Variants in TRIM14 observed in about 807,000 individuals in gnomAD.
The protein encoded by TRIM14 is tripartite motif-containing protein 14.
In TRIM14, 28 loss-of-function variants were observed where a neutral mutation model predicts 44.5. The ratio of observed to expected loss-of-function variants is 0.63; its 90% CI spans 0.47 to 0.86. TRIM14 has a LOEUF of 0.86. TRIM14 is among the 40% of genes least tolerant of loss of function. TRIM14 has a pLI of 0.00. For missense variants in TRIM14, 607 were observed against 611.1 expected, an observed-to-expected ratio of 0.99 and a Z score of 0.07; for synonymous variants, 299 against 269.2, an observed-to-expected ratio of 1.11 and a Z score of -1.08.
At chr9:98,072,448 GT>G (rs1299200450) in intron 6 of TRIM14, among the ~76,000 whole-genome samples, 3 of 150,038 alleles carry the variant, frequency 2.0e-5, no homozygotes, top group African/African-American at 7.4e-5. Context: ...GTCTCGCTGT[GT>G]CGCCCAAGCT....
intron 1 of TRIM14, among the ~76,000 whole-genome samples, chr9:98,112,546 A>T (rs562536341): frequency 1.3e-5 from 2 of 152,166 alleles, no homozygotes; most frequent in Non-Finnish European, 2.9e-5. Flanking sequence ...CCTGCCTGTA[A>T]TCCCAGAACT....
intron 1 of TRIM14, among the ~76,000 whole-genome samples, chr9:98,114,293 A>G (rs975017523): frequency 6.6e-6 from 1 of 152,190 alleles, no homozygotes; most frequent in East Asian, 1.9e-4. Context: ...AGTCAATTTC[A>G]TCTTTGACCG....
chr9:98,115,002 A>G (rs1428818058), intron 1 of TRIM14, among the ~76,000 whole-genome samples: 1 of 152,214 alleles, frequency 6.6e-6, no homozygotes, highest in Non-Finnish European at 1.5e-5. Context: ...TACTTTTGTG[A>G]GCAAAATTGA....
intron 6 of TRIM14, chr9:98,076,889 A>G: frequency 6.4e-7 from 1 of 1,567,890 alleles, no homozygotes; most frequent in Non-Finnish European, 8.7e-7. Context: ...GACAATGGTG[A>G]AAAGGAGCTC....
chr9:98,105,328 G>A (rs1016367299), intron 2 of TRIM14, among the ~76,000 whole-genome samples: 2 of 152,232 alleles, frequency 1.3e-5, no homozygotes, highest in African/African-American at 2.4e-5. Context: ...GGACAGAGGG[G>A]CTGAGCCCCG....
Position 98,087,380 on chromosome 9 carries a change from A to C in TRIM14, c.*90T>G. The C allele has an allele frequency of 6.3e-7, 1 of 1,583,382 alleles. No homozygotes were observed. Among genetic ancestry groups the C allele is most frequent in the Non-Finnish European group, 8.7e-7 (1 of 1,152,626 alleles). ...AGGGAGAGGGCCCTAAGAAGCAGGC[A>C]GTAAGGGGACCAGCCACGCTGATCT... On this transcript the variant is annotated 3_prime_UTR_variant, in exon 6 of 6. Transcript: ENST00000341469.
chr9:98,056,287 C>T, the TRIM14 span, among the ~76,000 whole-genome samples: 2 of 152,262 alleles, frequency 1.3e-5, no homozygotes, highest in East Asian at 3.9e-4. Flanking sequence ...AATAACGCTC[C>T]GGAAGACTGA....
chr9:98,108,817 G>A (rs928502150), intron 2 of TRIM14, among the ~76,000 whole-genome samples: 1 of 151,654 alleles, frequency 6.6e-6, no homozygotes, highest in Non-Finnish European at 1.5e-5. Flanking sequence ...AGGAGAAACT[G>A]GGTGCCAGCT....
chr9:98,101,690 G>GA (rs200373197), intron 2 of TRIM14, among the ~76,000 whole-genome samples: 2,426 of 152,198 alleles, frequency 0.016, 56 homozygotes, highest in African/African-American at 0.053. Context: ...CAAAGTGCTG[G>GA]ATTACAGGCA....
chr9:98,041,495 C>CT, the TRIM14 span, among the ~76,000 whole-genome samples: 37,877 of 145,194 alleles, frequency 0.26, 5,070 homozygotes, highest in Admixed American at 0.31. Flanking sequence ...ATAAGGACAT[C>CT]TTTTTTTTTT....
intron 4 of TRIM14, among the ~76,000 whole-genome samples, 179 bp from the exon 5 acceptor site, chr9:98,092,180 G>A (rs1040070201): frequency 6.6e-5 from 10 of 152,214 alleles, no homozygotes; most frequent in Admixed American, 1.3e-4. Context: ...GCTGGTGTGG[G>A]AGAGTCCTAA....
the TRIM14 span, among the ~76,000 whole-genome samples, chr9:98,050,543 C>T: frequency 2.6e-5 from 4 of 152,266 alleles, no homozygotes; most frequent in South Asian, 2.1e-4. Flanking sequence ...ACATTTAGCA[C>T]GAGTGACTCC....
intron 6 of TRIM14, among the ~76,000 whole-genome samples, chr9:98,073,558 C>T (rs1353179971): frequency 6.6e-6 from 1 of 150,892 alleles, no homozygotes; most frequent in Non-Finnish European, 1.5e-5. Context: ...GCTGGGATTA[C>T]AGGCGTGAGC....
At chr9:98,072,284 G>A (rs564072625) in intron 6 of TRIM14, among the ~76,000 whole-genome samples, 6 of 152,310 alleles carry the variant, frequency 3.9e-5, no homozygotes, top group African/African-American at 1.4e-4. Flanking sequence ...GCTGTTCTGT[G>A]ACTCAGAACC....
In TRIM14 at chr9:98,087,556, G is replaced by C; in HGVS notation, c.1243C>G (p.His415Asp). Residue 415 changes from histidine to aspartate, a missense_variant, in exon 6 of 6, where the codon CAT becomes GAT. Coordinates refer to ENST00000341469, the MANE Select transcript of TRIM14 (RefSeq NM_014788.4). ...YDVTGGMSHL[H>D]TFRATFQEPL... The stretch of plus-strand genomic sequence containing the variant: ...TCCTGGAACGTGGCGCGGAAGGTAT[G>C]CAGGTGGCTCATGCCGCCCGTCACG... The C allele has an allele frequency of 1.3e-6, 2 of 1,596,778 alleles. No homozygotes were observed. The highest frequency in any genetic ancestry group is 1.7e-6 in the Non-Finnish European group (2 of 1,173,844).
the TRIM14 span, among the ~76,000 whole-genome samples, chr9:98,040,749 C>G: frequency 6.6e-6 from 1 of 151,916 alleles, no homozygotes; most frequent in Non-Finnish European, 1.5e-5. Flanking sequence ...CCTCTGCCTC[C>G]CAGGTTCAAG....
chr9:98,037,393 C>A, the TRIM14 span, among the ~76,000 whole-genome samples: 12 of 151,614 alleles, frequency 7.9e-5, no homozygotes, highest in Admixed American at 1.3e-4. Context: ...AACAAACAAA[C>A]AAAAAAAAGT....
At chr9:98,093,976 C>T (rs568740520) in intron 4 of TRIM14, among the ~76,000 whole-genome samples, 58 of 152,274 alleles carry the variant, frequency 3.8e-4, no homozygotes, top group South Asian at 1.0e-3. Context: ...AAACTCCTGA[C>T]CTCATCATCC....
rs1826151128 is a variant in TRIM14 at position 98,095,418 on chromosome 9, T to C, written c.538-389A>G. Among the ~76,000 whole-genome samples, 3 of 152,270 alleles carry C rather than the reference T, an allele frequency of 2.0e-5. No individual in the cohort carries two copies. The highest frequency in any genetic ancestry group is 4.1e-4 in the South Asian group (2 of 4,828). On this transcript the variant is annotated intron_variant, in intron 3 of 5. Transcript: ENST00000341469. The surrounding 1 kb of genome is among the most constrained non-coding windows in gnomAD (Gnocchi z 4.1). Reference sequence around the variant, plus strand: ...CACACACTGCGCCACGGGTCTGCCTTGGGTACAAAAAGGGTGAGAGGTCAG... The same window carrying C: ...CACACACTGCGCCACGGGTCTGCCTCGGGTACAAAAAGGGTGAGAGGTCAG...
Sources: gnomAD v4.1 joint callset for allele counts (sites outside exome capture counted in the v4.1 genomes callset) on GRCh38, gnomAD v4.1.1 for gene constraint, Gnocchi (gnomAD v3.1) non-coding constraint, MANE v1.5 for transcripts, NCBI Gene and HGNC (gene_info 2026-07-23, HGNC 2026-07-21) for gene names.